The following ASAP1 variants were observed in gnomAD, a reference collection of about 807,000 sequenced individuals.
ASAP1 encodes ArfGAP with SH3 domain, ankyrin repeat and PH domain 1.
A neutral mutation model predicts 145.2 loss-of-function variants in ASAP1; 43 were observed. The observed-to-expected ratio is 0.30, with a 90% CI of 0.23 to 0.38. The LOEUF (loss-of-function observed/expected upper bound fraction) is 0.38, where lower values mean the gene tolerates loss of function less well. Ranked by LOEUF, ASAP1 falls within the 10% of genes least tolerant of loss-of-function variation. The pLI, the probability that ASAP1 is intolerant of heterozygous loss-of-function variation, is 1.00. For missense variants in ASAP1, 1,018 were observed against 1,355.3 expected (o/e 0.75, Z 3.91); for synonymous variants, 546 against 515.5 (o/e 1.06, Z -0.80).
chr8:130,118,719 G>T, intron 18 of ASAP1, 44 bp from the exon 19 acceptor site: 1 of 1,312,512 alleles, frequency 7.6e-7, no homozygotes. Context: ...CCAAGTGCTA[G>T]GAAAGGTTTA....
chr8:130,362,896 TA>T (rs1257840381), intron 2 of ASAP1, among the ~76,000 whole-genome samples: 2 of 152,156 alleles, frequency 1.3e-5, no homozygotes, highest in Non-Finnish European at 2.9e-5. Context: ...ATAGTCCCTG[TA>T]AAGAAGGATA....
intron 3 of ASAP1, among the ~76,000 whole-genome samples, chr8:130,295,028 C>T (rs992103125): frequency 3.3e-5 from 5 of 152,146 alleles, no homozygotes; most frequent in African/African-American, 1.2e-4. Flanking sequence ...CTTTGGGAGG[C>T]TGAGGTGGGA....
intron 2 of ASAP1, chr8:130,360,620 G>A (rs1277137214): frequency 6.6e-6 from 1 of 152,186 alleles, no homozygotes; most frequent in East Asian, 1.9e-4. Context: ...CCCTGGCAAA[G>A]GGAAGTTGAG....
rs953053405 is a variant in ASAP1 at position 130,058,163 on chromosome 8, G to A, written c.3193-87C>T. 26 of 1,473,566 alleles carry A rather than the reference G, an allele frequency of 1.8e-5. No homozygotes were observed. In the Admixed American group the frequency reaches 4.6e-4, roughly 26 times the overall value. The allele number at this position is 1,473,566 out of a possible 1,614,324, so 91.3% of individuals were successfully genotyped here. On this transcript the variant is annotated intron_variant, in intron 28 of 29. Transcript: ENST00000518721. ...GTTCTTTGTAAAATGGTTGACCTTG[G>A]CCAGTAACTTAACCTCGCTGAGCCT...
intron 13 of ASAP1, among the ~76,000 whole-genome samples, chr8:130,141,216 C>T (rs1312233454): frequency 6.6e-6 from 1 of 152,180 alleles, no homozygotes; most frequent in Admixed American, 6.5e-5. Flanking sequence ...CTATTGAGTC[C>T]TTGCTGTTGA....
intron 1 of ASAP1, among the ~76,000 whole-genome samples, chr8:130,417,931 A>T (rs1421115204): frequency 6.6e-6 from 1 of 152,226 alleles, no homozygotes; most frequent in Non-Finnish European, 1.5e-5. Flanking sequence ...TCCATCCTTG[A>T]ACTAATTTCT....
At chr8:130,228,285 C>G (rs1334389621) in intron 4 of ASAP1, among the ~76,000 whole-genome samples, 1 of 152,146 alleles carries the variant, frequency 6.6e-6, no homozygotes, top group Non-Finnish European at 1.5e-5. Context: ...ATGACCTCAA[C>G]TAGGCTTCTC....
chr8:130,340,087 CA>C (rs1825282275), intron 3 of ASAP1, among the ~76,000 whole-genome samples: 1 of 152,164 alleles, frequency 6.6e-6, no homozygotes, highest in Non-Finnish European at 1.5e-5. Context: ...GTCCTGTCCT[CA>C]AAACAATAAT....
chr8:130,356,246 G>GA (rs1826298896), intron 3 of ASAP1, among the ~76,000 whole-genome samples: 1 of 152,102 alleles, frequency 6.6e-6, no homozygotes, highest in African/African-American at 2.4e-5. Flanking sequence ...TTCACAAACA[G>GA]AATACAGCAA....
intron 24 of ASAP1, 79 bp downstream of exon 24, chr8:130,112,015 C>T (rs1473474671): frequency 1.2e-5 from 17 of 1,370,266 alleles, no homozygotes; most frequent in Non-Finnish European, 1.7e-5. Flanking sequence ...TACCTCAAAG[C>T]TGGCTAGACT....
intron 13 of ASAP1, among the ~76,000 whole-genome samples, chr8:130,140,293 A>T (rs927321188): frequency 1.2e-4 from 18 of 151,974 alleles, no homozygotes; most frequent in African/African-American, 4.3e-4. Flanking sequence ...TGTCAGCCTC[A>T]AGTGAGATTA....
intron 4 of ASAP1, among the ~76,000 whole-genome samples, chr8:130,221,954 C>T (rs1051627213): frequency 3.3e-5 from 5 of 152,198 alleles, no homozygotes; most frequent in African/African-American, 1.2e-4. Context: ...GTGCCTCGTA[C>T]ACGATGAGCT....
intron 3 of ASAP1, among the ~76,000 whole-genome samples, chr8:130,301,770 T>C (rs1378339854): frequency 6.6e-6 from 1 of 152,254 alleles, no homozygotes; most frequent in Non-Finnish European, 1.5e-5. Context: ...ACAACACGAC[T>C]GTCTTTCCAT....
chr8:130,257,625 A>G (rs1048142303), intron 3 of ASAP1, among the ~76,000 whole-genome samples: 5 of 152,154 alleles, frequency 3.3e-5, no homozygotes. Context: ...TGCTGTTGCG[A>G]AAAAAAGGGA....
intron 24 of ASAP1, among the ~76,000 whole-genome samples, chr8:130,098,624 A>G (rs764034500): frequency 1.3e-5 from 2 of 152,182 alleles, no homozygotes; most frequent in African/African-American, 2.4e-5. Flanking sequence ...CCGAGATTAC[A>G]GGTGTGAGCC....
chr8:130,431,029 G>T (rs1168696315), intron 1 of ASAP1, among the ~76,000 whole-genome samples: 1 of 152,268 alleles, frequency 6.6e-6, no homozygotes, highest in Admixed American at 6.5e-5. Context: ...GCACACACTA[G>T]AAGAATCAGG....
chr8:130,055,945 T>C (rs376407052), intron 29 of ASAP1, among the ~76,000 whole-genome samples: 68 of 152,316 alleles, frequency 4.5e-4, no homozygotes, highest in African/African-American at 1.5e-3. Context: ...CATGTGTGTG[T>C]GGCACCATCT....
At chr8:130,211,410 T>C (rs1021530206) in intron 5 of ASAP1, among the ~76,000 whole-genome samples, 1 of 152,138 alleles carries the variant, frequency 6.6e-6, no homozygotes, top group Non-Finnish European at 1.5e-5. Context: ...CTTTCTATAA[T>C]CACAGACAGT....
At chr8:130,297,442 C>T (rs946734543) in intron 3 of ASAP1, among the ~76,000 whole-genome samples, 3 of 152,200 alleles carry the variant, frequency 2.0e-5, no homozygotes, top group Non-Finnish European at 2.9e-5. Context: ...GTTCAAGGGT[C>T]AACTAAGTAT....
Sources: gnomAD v4.1 joint callset for allele counts (sites outside exome capture counted in the v4.1 genomes callset) on GRCh38, gnomAD v4.1.1 for gene constraint, MANE v1.5 for transcripts, NCBI Gene and HGNC (gene_info 2026-07-23, HGNC 2026-07-21) for gene names.